TENM1: variants seen among roughly 807,000 people sequenced by gnomAD.
TENM1 encodes the protein teneurin-1.
TENM1 carries 35 observed loss-of-function variants against 174.8 expected under a neutral mutation model. The observed-to-expected ratio is 0.20, with a 90% CI of 0.15 to 0.27. TENM1 has a LOEUF of 0.27. TENM1 is among the 10% of genes least tolerant of loss of function. The pLI is 1.00. For synonymous variants in TENM1, 781 were observed against 798.7 expected (o/e 0.98, Z 0.37); for missense variants, 1,633 against 2,130.1 (o/e 0.77, Z 4.59).
intron 3 of TENM1, among the ~76,000 whole-genome samples, chrX:124,862,879 G>A (rs778711178): frequency 9.3e-6 from 1 of 107,019 alleles, no homozygotes; most frequent in Admixed American, 1.0e-4. Flanking sequence ...CCTTCTGCTT[G>A]AGGAGAGGAG....
At chrX:125,043,400 A>G in the TENM1 span, among the ~76,000 whole-genome samples, 5 of 81,667 alleles carry the variant, frequency 6.1e-5, no homozygotes, top group African/African-American at 1.8e-4. Flanking sequence ...GCAGCCAAAA[A>G]ACACATGAAA....
intron 3 of TENM1, among the ~76,000 whole-genome samples, chrX:124,875,402 T>C (rs1294162394): frequency 2.7e-5 from 3 of 110,410 alleles, no homozygotes; most frequent in Admixed American, 9.6e-5. Context: ...ATTAGTTTCA[T>C]GTTTGGTCTT....
At chrX:124,470,573 C>T (rs1177541127) in intron 22 of TENM1, among the ~76,000 whole-genome samples, 1 of 110,933 alleles carries the variant, frequency 9.0e-6, no homozygotes, top group Non-Finnish European at 1.9e-5. Context: ...TTTTATGTTT[C>T]AATGTCAAGA....
intron 14 of TENM1, among the ~76,000 whole-genome samples, chrX:124,553,638 A>C (rs1252809658): frequency 3.6e-5 from 4 of 110,019 alleles, no homozygotes; most frequent in Admixed American, 9.8e-5. Flanking sequence ...AAAAAAAAAA[A>C]AAAAAACAAA....
the TENM1 span, among the ~76,000 whole-genome samples, chrX:125,146,575 T>C: frequency 8.9e-6 from 1 of 111,770 alleles, no homozygotes; most frequent in African/African-American, 3.3e-5. Context: ...TTCATGAAGA[T>C]GTTTCTGAGA....
exon 32 of TENM1, chrX:124,378,254 A>G (rs2060122712): frequency 8.9e-6 from 1 of 112,699 alleles, no homozygotes; most frequent in African/African-American, 3.2e-5. Flanking sequence ...AAAATGATAC[A>G]TCATCAATGA....
chrX:125,064,615 T>C, the TENM1 span, among the ~76,000 whole-genome samples: 1 of 111,505 alleles, frequency 9.0e-6, no homozygotes, highest in Admixed American at 9.5e-5. Flanking sequence ...TGTTTGTGAT[T>C]TAATTGAAGA....
chrX:124,857,242 T>C (rs2056831493), intron 3 of TENM1, among the ~76,000 whole-genome samples: 2 of 110,705 alleles, frequency 1.8e-5, no homozygotes, highest in African/African-American at 3.3e-5. Flanking sequence ...ATAATTTTTA[T>C]CCAAGATGAT....
chrX:124,464,170 C>G (rs2061215615), intron 22 of TENM1, among the ~76,000 whole-genome samples: 1 of 111,336 alleles, frequency 9.0e-6, no homozygotes, highest in Non-Finnish European at 1.9e-5. Flanking sequence ...AACTGCCACA[C>G]AAGAACGTTA....
At chrX:124,901,456 C>A (rs2057663201) in intron 1 of TENM1, among the ~76,000 whole-genome samples, 1 of 111,299 alleles carries the variant, frequency 9.0e-6, no homozygotes, top group Admixed American at 9.5e-5. Flanking sequence ...CAGTGTTTTT[C>A]TAGAAATGCC....
intron 6 of TENM1, among the ~76,000 whole-genome samples, chrX:124,663,882 C>T (rs896192847): frequency 1.8e-5 from 2 of 110,728 alleles, no homozygotes; most frequent in African/African-American, 6.6e-5. Flanking sequence ...GCATAGGGAA[C>T]CCTTTCCATA....
intron 23 of TENM1, among the ~76,000 whole-genome samples, chrX:124,435,569 T>C (rs374999374): frequency 1.8e-5 from 2 of 111,971 alleles, no homozygotes; most frequent in African/African-American, 3.2e-5. Context: ...AACTCATGAT[T>C]GTTCTACTCA....
chrX:124,530,818 C>G lies in TENM1; in HGVS notation c.2652-835G>C, dbSNP rs954117276. On this transcript the variant is annotated intron_variant, in intron 15 of 31. Coordinates refer to ENST00000422452, the Ensembl canonical transcript of TENM1. ...TACTAAAAAATGGAATTCCATTAAA[C>G]TAGTCCCTAAATAGGGCTCTCTTTC... 4.4e-5 allele frequency among the ~76,000 whole-genome samples: 5 copies of G among 112,439 alleles called. No individual in the cohort carries two copies. The South Asian group carries it at 1.5e-3, about 33-fold the overall frequency.
intron 1 of TENM1, among the ~76,000 whole-genome samples, chrX:124,946,479 G>A (rs1322976063): frequency 9.0e-6 from 1 of 111,437 alleles, no homozygotes; most frequent in African/African-American, 3.3e-5. Context: ...TGGATTCTCA[G>A]GCTGTCTGAT....
intron 3 of TENM1, among the ~76,000 whole-genome samples, chrX:124,805,516 G>A (rs2055570830): frequency 8.8e-6 from 1 of 112,999 alleles, no homozygotes; most frequent in Admixed American, 9.3e-5. Flanking sequence ...TATGGACTAA[G>A]CCTCCAGACC....
intron 11 of TENM1, among the ~76,000 whole-genome samples, chrX:124,627,852 T>C (rs746384782): frequency 1.9e-4 from 21 of 111,713 alleles, no homozygotes; most frequent in Non-Finnish European, 3.4e-4. Flanking sequence ...ATCTAAAGCA[T>C]ATGCTGGCTT....
At chrX:124,524,644 C>T (rs1436020386) in intron 16 of TENM1, among the ~76,000 whole-genome samples, 3 of 111,570 alleles carry the variant, frequency 2.7e-5, no homozygotes, top group African/African-American at 9.8e-5. Context: ...CCCTGCACAA[C>T]TTCACCAACA....
chrX:124,911,465 C>T (rs2057835944), intron 1 of TENM1, among the ~76,000 whole-genome samples: 1 of 111,563 alleles, frequency 9.0e-6, no homozygotes, highest in Non-Finnish European at 1.9e-5. Context: ...GCTGTGGAGT[C>T]TAAGCAAAGT....
the TENM1 span, among the ~76,000 whole-genome samples, chrX:125,153,317 G>C: frequency 9.0e-6 from 1 of 111,618 alleles, no homozygotes; most frequent in South Asian, 3.7e-4. Context: ...TTTAAGAAAA[G>C]GGTCTTTTCC....
Sources: gnomAD v4.1 joint callset for allele counts (sites outside exome capture counted in the v4.1 genomes callset) on GRCh38, gnomAD v4.1.1 for gene constraint, MANE v1.5 for transcripts, NCBI Gene and HGNC (gene_info 2026-07-23, HGNC 2026-07-21) for gene names.